Variants in EPHA6 observed in about 807,000 individuals in gnomAD.
EPHA6 encodes the protein ephrin type-A receptor 6.
A neutral mutation model predicts 112.0 loss-of-function variants in EPHA6; 50 were observed. The observed-to-expected ratio is 0.45, with a 90% confidence interval of 0.36 to 0.56. EPHA6 has a LOEUF of 0.56. Among genes scored for constraint, EPHA6 ranks in the 20% least tolerant of loss-of-function variants. EPHA6 has a pLI of 0.00. For missense variants in EPHA6, 1,280 were observed against 1,417.4 expected (o/e 0.90, Z 1.56); for synonymous variants, 529 against 490.7 (o/e 1.08, Z -1.03).
At chr3:97,103,812 C>G (rs2047481530) in intron 3 of EPHA6, among the ~76,000 whole-genome samples, 1 of 151,970 alleles carries the variant, frequency 6.6e-6, no homozygotes, top group Non-Finnish European at 1.5e-5. Context: ...TGTTTCATCT[C>G]TGGTTTCTTT....
At chr3:97,097,352 A>G (rs960165858) in intron 3 of EPHA6, among the ~76,000 whole-genome samples, 1 of 151,882 alleles carries the variant, frequency 6.6e-6, no homozygotes, top group Non-Finnish European at 1.5e-5. Context: ...GAGCTAACAG[A>G]CATAATCAGT....
intron 5 of EPHA6, among the ~76,000 whole-genome samples, chr3:97,246,472 T>C (rs1212575870): frequency 6.6e-6 from 1 of 151,804 alleles, no homozygotes; most frequent in Non-Finnish European, 1.5e-5. Flanking sequence ...TATGTTGTTA[T>C]ATGGAAAAAA....
chr3:96,922,053 A>AG (rs1467672962), intron 2 of EPHA6, among the ~76,000 whole-genome samples: 3 of 152,092 alleles, frequency 2.0e-5, no homozygotes, highest in African/African-American at 7.3e-5. Context: ...AGAGAGAGAG[A>AG]AAAAGAGAAT....
At chr3:97,115,349 T>C (rs1183066294) in intron 3 of EPHA6, among the ~76,000 whole-genome samples, 1 of 151,118 alleles carries the variant, frequency 6.6e-6, no homozygotes, top group Non-Finnish European at 1.5e-5. Flanking sequence ...CTATGAGATA[T>C]AATTATTACC....
chr3:97,633,165 GC>G (rs2093918074), intron 13 of EPHA6, among the ~76,000 whole-genome samples: 1 of 152,048 alleles, frequency 6.6e-6, no homozygotes. Context: ...ATGGAGCTCT[GC>G]AGCTTTTAGA....
At chr3:97,011,765 A>G (rs2044093480) in intron 3 of EPHA6, among the ~76,000 whole-genome samples, 1 of 152,108 alleles carries the variant, frequency 6.6e-6, no homozygotes, top group Non-Finnish European at 1.5e-5. Context: ...TGAGCATAAT[A>G]CTCAATAGTT....
At position 97,753,757 on chromosome 3, in the gene EPHA6, A is replaced by G. The variant is rs1345377707; in HGVS notation, c.*5056A>G. ...TCCATCCATTTAACAGGGGAAATAGATGATTACTCCTGACTATAACATATT... is the reference window on the plus strand; with the variant it reads ...TCCATCCATTTAACAGGGGAAATAGGTGATTACTCCTGACTATAACATATT... On this transcript the variant is annotated 3_prime_UTR_variant, in exon 18 of 18. Coordinates refer to ENST00000389672, the MANE Select transcript of EPHA6 (RefSeq NM_001080448.3). Among the ~76,000 whole-genome samples the G allele has an allele frequency of 6.6e-6, 1 of 152,196 alleles. No homozygotes were observed. The highest frequency in any genetic ancestry group is 1.5e-5 in the Non-Finnish European group (1 of 68,016).
chr3:97,402,367 C>T (rs1291045811), intron 5 of EPHA6, among the ~76,000 whole-genome samples: 1 of 151,990 alleles, frequency 6.6e-6, no homozygotes, highest in Non-Finnish European at 1.5e-5. Flanking sequence ...GTTACATCCT[C>T]TTGCTAACCT....
At chr3:96,847,156 A>AT (rs1412340088) in intron 1 of EPHA6, among the ~76,000 whole-genome samples, 17 of 151,952 alleles carry the variant, frequency 1.1e-4, no homozygotes, top group South Asian at 2.1e-4. Context: ...TTTTGCTTCA[A>AT]TTTTTTTTAT....
intron 3 of EPHA6, among the ~76,000 whole-genome samples, chr3:97,064,825 AAAGCTCCTGT>A (rs1162804380): frequency 2.3e-4 from 35 of 152,122 alleles, no homozygotes; most frequent in African/African-American, 8.0e-4. Flanking sequence ...GCCTCTGGAG[AAAGCTCCTGT>A]ACTTCACAAA....
chr3:96,996,259 C>A (rs2043417281), intron 3 of EPHA6, among the ~76,000 whole-genome samples: 1 of 152,068 alleles, frequency 6.6e-6, no homozygotes, highest in African/African-American at 2.4e-5. Flanking sequence ...ATATCCACAA[C>A]ATCTGCAGTT....
intron 2 of EPHA6, among the ~76,000 whole-genome samples, chr3:96,904,283 A>T (rs1211537800): frequency 6.6e-6 from 1 of 152,012 alleles, no homozygotes; most frequent in African/African-American, 2.4e-5. Flanking sequence ...AGTGATAAAA[A>T]ATGATGAGTT....
intron 14 of EPHA6, among the ~76,000 whole-genome samples, chr3:97,699,528 G>C (rs2033243225): frequency 6.6e-6 from 1 of 152,140 alleles, no homozygotes; most frequent in Non-Finnish European, 1.5e-5. Context: ...CCCATAAGTT[G>C]TGGAGCTAGG....
intron 10 of EPHA6, among the ~76,000 whole-genome samples, chr3:97,523,502 G>C (rs2092574459): frequency 6.6e-6 from 1 of 152,044 alleles, no homozygotes; most frequent in Non-Finnish European, 1.5e-5. Context: ...TAATGGTGCT[G>C]TTGGATGAAA....
intron 5 of EPHA6, among the ~76,000 whole-genome samples, chr3:97,400,222 A>T (rs1404296904): frequency 6.6e-6 from 1 of 151,366 alleles, no homozygotes; most frequent in Admixed American, 6.6e-5. Flanking sequence ...GAGGAAAGGA[A>T]TGTATGTTTT....
At chr3:97,117,827 C>T (rs2047934415) in intron 3 of EPHA6, among the ~76,000 whole-genome samples, 2 of 151,626 alleles carry the variant, frequency 1.3e-5, no homozygotes, top group South Asian at 2.1e-4. Context: ...AAGAAGAAAC[C>T]AAGTATGAAT....
At chr3:96,967,555 A>G (rs983012999) in intron 2 of EPHA6, among the ~76,000 whole-genome samples, 2 of 151,904 alleles carry the variant, frequency 1.3e-5, no homozygotes, top group Non-Finnish European at 2.9e-5. Context: ...GAATGTTTAC[A>G]TATGTTGCCA....
chr3:96,963,051 G>T (rs1433362344), intron 2 of EPHA6, among the ~76,000 whole-genome samples: 1 of 151,596 alleles, frequency 6.6e-6, no homozygotes, highest in African/African-American at 2.4e-5. Context: ...CTACTTGGGA[G>T]ACTGAGACAG....
At chr3:97,616,698 G>T (rs1340898375) in intron 13 of EPHA6, among the ~76,000 whole-genome samples, 1 of 151,882 alleles carries the variant, frequency 6.6e-6, no homozygotes, top group Non-Finnish European at 1.5e-5. Context: ...TAAAGTTTGG[G>T]TTTCTGAAAT....
Sources: allele counts gnomAD v4.1 joint callset (sites outside exome capture counted in the v4.1 genomes callset), GRCh38; gene constraint gnomAD v4.1.1; transcripts MANE v1.5; gene names NCBI Gene and HGNC (gene_info 2026-07-23, HGNC 2026-07-21).